Variants in CFAP221 observed in about 807,000 individuals in gnomAD.
CFAP221 encodes the protein cilia- and flagella-associated protein 221.
CFAP221 carries 97 observed loss-of-function variants against 113.1 expected under a neutral mutation model. The ratio of observed to expected loss-of-function variants is 0.86; its 90% CI spans 0.73 to 1.02. CFAP221 has a LOEUF of 1.02. CFAP221 is among the 50% of genes least tolerant of loss of function. CFAP221 has a pLI of 0.00. For missense variants in CFAP221, 1,025 were observed against 1,013.4 expected, an observed-to-expected ratio of 1.01 and a Z score of -0.16; for synonymous variants, 331 against 354.4, an observed-to-expected ratio of 0.93 and a Z score of 0.74.
At chr2:119,631,104 TA>T (rs762757993) in intron 19 of CFAP221, 30 of 1,233,786 alleles carry the variant, frequency 2.4e-5, no homozygotes, top group Non-Finnish European at 2.9e-5. Flanking sequence ...CCTGCATTTT[TA>T]ATGAAAATAA....
chr2:119,572,467 G>T, intron 6 of CFAP221: 2 of 655,912 alleles, frequency 3.0e-6, no homozygotes, highest in South Asian at 3.3e-5. Context: ...GCTTATATTA[G>T]ATACAGAAAT....
chr2:119,563,632 C>T (rs1027343684), intron 6 of CFAP221, among the ~76,000 whole-genome samples: 2 of 152,140 alleles, frequency 1.3e-5, no homozygotes, highest in Non-Finnish European at 2.9e-5. Flanking sequence ...GACCTGGTTC[C>T]AGCTTTATAC....
intron 2 of CFAP221, among the ~76,000 whole-genome samples, chr2:119,546,580 T>C (rs1303679416): frequency 6.6e-6 from 1 of 152,212 alleles, no homozygotes; most frequent in South Asian, 2.1e-4. Flanking sequence ...ATTCTCCTCC[T>C]GTCAGTTTGC....
intron 12 of CFAP221, among the ~76,000 whole-genome samples, chr2:119,609,098 C>T (rs780674760): frequency 6.6e-6 from 1 of 152,168 alleles, no homozygotes; most frequent in Non-Finnish European, 1.5e-5. Context: ...ACCTGGGGTG[C>T]CAAGATAGCC....
At chr2:119,587,760 G>A (rs1157524572) in intron 7 of CFAP221, among the ~76,000 whole-genome samples, 1 of 152,070 alleles carries the variant, frequency 6.6e-6, no homozygotes, top group Non-Finnish European at 1.5e-5. Context: ...GTCTACTGTG[G>A]TCTACTGTGG....
intron 6 of CFAP221, chr2:119,580,104 A>G (rs1682740887): frequency 6.6e-6 from 1 of 152,206 alleles, no homozygotes; most frequent in African/African-American, 2.4e-5. Context: ...CAGCGCTGGT[A>G]GAATAGCTGA....
chr2:119,549,462 A>G (rs1006171506), intron 3 of CFAP221, among the ~76,000 whole-genome samples: 1 of 152,234 alleles, frequency 6.6e-6, no homozygotes, highest in African/African-American at 2.4e-5. Context: ...CATGATTTAC[A>G]TGATTTAATT....
chr2:119,550,793 A>G (rs562181242), intron 3 of CFAP221, among the ~76,000 whole-genome samples: 10 of 152,268 alleles, frequency 6.6e-5, no homozygotes, highest in African/African-American at 1.7e-4. Flanking sequence ...ATACAATTCA[A>G]TAATTTTTAG....
chr2:119,603,878 C>T (rs981404283), intron 8 of CFAP221, among the ~76,000 whole-genome samples: 7 of 152,146 alleles, frequency 4.6e-5, no homozygotes, highest in African/African-American at 1.2e-4. Context: ...TAACAGATAA[C>T]CTGAATAGCT....
intron 16 of CFAP221, among the ~76,000 whole-genome samples, chr2:119,629,417 T>C (rs190987152): frequency 2.4e-4 from 36 of 152,124 alleles, no homozygotes; most frequent in African/African-American, 8.0e-4. Flanking sequence ...TGGCACAGGG[T>C]GAGAGGACAC....
chr2:119,632,845 A>G (rs1686870579), intron 19 of CFAP221, among the ~76,000 whole-genome samples: 1 of 152,166 alleles, frequency 6.6e-6, no homozygotes, highest in Admixed American at 6.5e-5. Flanking sequence ...TATACTAGCA[A>G]CAAACATTCT....
chr2:119,611,778 G>A (rs1463912667), intron 13 of CFAP221, 36 bp downstream of exon 13: 1 of 1,492,106 alleles, frequency 6.7e-7, no homozygotes, highest in Non-Finnish European at 9.3e-7. Flanking sequence ...TCTGATTATT[G>A]GCAGCTCTTT....
intron 6 of CFAP221, among the ~76,000 whole-genome samples, chr2:119,564,485 A>C (rs983410318): frequency 1.3e-5 from 2 of 152,234 alleles, no homozygotes; most frequent in Admixed American, 1.3e-4. Flanking sequence ...AAATATGACC[A>C]TTACCTTTGC....
At chr2:119,653,060 A>G (rs1005620252) in intron 23 of CFAP221, among the ~76,000 whole-genome samples, 3 of 150,980 alleles carry the variant, frequency 2.0e-5, no homozygotes, top group African/African-American at 4.9e-5. Context: ...TATATTTTCC[A>G]TATATATGGA....
At chr2:119,582,875 G>A (rs189471144) in intron 6 of CFAP221, among the ~76,000 whole-genome samples, 91 of 152,224 alleles carry the variant, frequency 6.0e-4, no homozygotes, top group Non-Finnish European at 1.0e-3. Context: ...AGTCCAGCAA[G>A]AGGCAAAAGA....
chr2:119,653,300 G>A (rs191171570), intron 23 of CFAP221, among the ~76,000 whole-genome samples: 100 of 152,166 alleles, frequency 6.6e-4, no homozygotes, highest in South Asian at 2.1e-3. Flanking sequence ...AGAATCGCTT[G>A]AACCTGGGAG....
intron 22 of CFAP221, among the ~76,000 whole-genome samples, chr2:119,650,642 AG>A (rs1167523361): frequency 1.3e-5 from 2 of 152,364 alleles, no homozygotes; most frequent in Admixed American, 1.3e-4. Flanking sequence ...AATGTGTGCC[AG>A]GGAGTGCTTT....
At chr2:119,620,938 G>A (rs1685867924) in intron 14 of CFAP221, among the ~76,000 whole-genome samples, 1 of 151,950 alleles carries the variant, frequency 6.6e-6, no homozygotes, top group Admixed American at 6.6e-5. Context: ...AAAAAAGCAG[G>A]GGTTGGCTGG....
intron 7 of CFAP221, among the ~76,000 whole-genome samples, chr2:119,592,847 G>C (rs1417118624): frequency 6.6e-6 from 1 of 152,200 alleles, no homozygotes; most frequent in Non-Finnish European, 1.5e-5. Context: ...TTGGAGGCTG[G>C]GCTGAGTTGT....
Sources: gnomAD v4.1 joint callset for allele counts (sites outside exome capture counted in the v4.1 genomes callset) on GRCh38, gnomAD v4.1.1 for gene constraint, MANE v1.5 for transcripts, NCBI Gene and HGNC (gene_info 2026-07-23, HGNC 2026-07-21) for gene names.